C12orf42: variants seen among roughly 807,000 people sequenced by gnomAD.
C12orf42 encodes uncharacterized protein C12orf42.
Under a neutral mutation model 21.6 loss-of-function variants are expected in C12orf42, and 25 were observed. That is an observed-to-expected ratio of 1.16 (90% CI 0.84 to 1.62). The LOEUF (loss-of-function observed/expected upper bound fraction) is 1.62. Among genes scored for constraint, C12orf42 ranks in the 40% most tolerant of loss-of-function variants. C12orf42 has a pLI of 0.00. For missense variants in C12orf42, 483 were observed against 459.3 expected (o/e 1.05, Z -0.47); for synonymous variants, 174 against 175.0 (o/e 0.99, Z 0.05).
chr12:103,249,870 AAG>A (rs2136190875), intron 10 of C12orf42, among the ~76,000 whole-genome samples: 2 of 152,246 alleles, frequency 1.3e-5, no homozygotes, highest in East Asian at 3.9e-4. Context: ...CCTTCCAGGA[AAG>A]AGTTACAAAT....
At chr12:103,463,537 C>T (rs1353755164) in intron 2 of C12orf42, among the ~76,000 whole-genome samples, 3 of 152,158 alleles carry the variant, frequency 2.0e-5, no homozygotes, top group African/African-American at 7.2e-5. Flanking sequence ...TTCAAAGCCA[C>T]AGCCCTAAAA....
chr12:103,463,648 T>C (rs1033699613), intron 2 of C12orf42, among the ~76,000 whole-genome samples: 11 of 152,180 alleles, frequency 7.2e-5, no homozygotes, highest in African/African-American at 2.7e-4. Context: ...GTTTGTTACA[T>C]AGGTAAACAT....
At chr12:103,540,341 C>T in the C12orf42 span, among the ~76,000 whole-genome samples, 8 of 152,116 alleles carry the variant, frequency 5.3e-5, no homozygotes, top group Non-Finnish European at 1.2e-4. Context: ...CTTAATTCTT[C>T]CATATTATTA....
chr12:103,416,524 CTT>C (rs2049349720), intron 2 of C12orf42, among the ~76,000 whole-genome samples: 1 of 152,072 alleles, frequency 6.6e-6, no homozygotes, highest in Non-Finnish European at 1.5e-5. Context: ...AAAACATCCT[CTT>C]GAGACTGAAG....
intron 2 of C12orf42, among the ~76,000 whole-genome samples, chr12:103,419,784 A>C (rs2049704726): frequency 6.6e-6 from 1 of 152,166 alleles, no homozygotes; most frequent in South Asian, 2.1e-4. Context: ...CCTTGTGTGG[A>C]TACCTCGTCA....
intron 4 of C12orf42, among the ~76,000 whole-genome samples, chr12:103,362,956 T>G (rs1216138172): frequency 6.6e-6 from 1 of 152,090 alleles, no homozygotes; most frequent in Non-Finnish European, 1.5e-5. Flanking sequence ...TTCCCCGGCC[T>G]TGCTAGAGAC....
the C12orf42 span, among the ~76,000 whole-genome samples, chr12:103,148,531 C>T: frequency 6.6e-6 from 1 of 151,874 alleles, no homozygotes; most frequent in African/African-American, 2.4e-5. Context: ...TTTATTGTTC[C>T]CTGAGTCTCT....
chr12:103,100,951 G>T, the C12orf42 span, among the ~76,000 whole-genome samples: 2 of 152,180 alleles, frequency 1.3e-5, no homozygotes, highest in Non-Finnish European at 2.9e-5. Context: ...CATTCAAAAA[G>T]TCTTCTGGGA....
chr12:103,206,938 A>C, the C12orf42 span, among the ~76,000 whole-genome samples: 1 of 152,182 alleles, frequency 6.6e-6, no homozygotes. Flanking sequence ...ACAGATAGGG[A>C]AACTGAGTGC....
At chr12:103,131,619 A>G in the C12orf42 span, among the ~76,000 whole-genome samples, 1 of 152,126 alleles carries the variant, frequency 6.6e-6, no homozygotes, top group African/African-American at 2.4e-5. Context: ...TTTTTTTCTC[A>G]ATAGAAATCA....
the C12orf42 span, among the ~76,000 whole-genome samples, chr12:103,523,387 T>A: frequency 1.8e-4 from 27 of 151,994 alleles, 1 homozygote; most frequent in Non-Finnish European, 5.9e-5. Context: ...TTATATGTCT[T>A]CTCTATCAAT....
At chr12:103,381,458 AG>A (rs765672858) in intron 3 of C12orf42, among the ~76,000 whole-genome samples, 2 of 152,132 alleles carry the variant, frequency 1.3e-5, no homozygotes, top group African/African-American at 2.4e-5. Context: ...GGTTTATTTG[AG>A]GGAGGGAAAA....
At chr12:103,431,745 G>T (rs890910298) in intron 2 of C12orf42, among the ~76,000 whole-genome samples, 3 of 152,078 alleles carry the variant, frequency 2.0e-5, no homozygotes, top group African/African-American at 7.2e-5. Context: ...TGACTTTCTA[G>T]AAACCTCTTA....
the C12orf42 span, among the ~76,000 whole-genome samples, chr12:103,176,090 A>G: frequency 1.6e-4 from 24 of 152,072 alleles, no homozygotes; most frequent in African/African-American, 5.8e-4. Flanking sequence ...CCGCCATGCC[A>G]TATCCCACCT....
chr12:103,241,137 A>G (rs1319415537), intron 10 of C12orf42, among the ~76,000 whole-genome samples: 1 of 151,970 alleles, frequency 6.6e-6, no homozygotes, highest in Non-Finnish European at 1.5e-5. Flanking sequence ...CAAAACACAC[A>G]ATGGCATTGT....
At chr12:103,360,330 A>G (rs2043981111) in intron 4 of C12orf42, among the ~76,000 whole-genome samples, 2 of 151,710 alleles carry the variant, frequency 1.3e-5, no homozygotes, top group Admixed American at 6.6e-5. Context: ...CAGAACCACA[A>G]TGCTGCTCAT....
chr12:103,066,339 A>G, the C12orf42 span, among the ~76,000 whole-genome samples: 1 of 152,328 alleles, frequency 6.6e-6, no homozygotes, highest in African/African-American at 2.4e-5. Context: ...TGAAGGCACA[A>G]GTAAGTTACA....
At chr12:103,339,808 C>A (rs1038408250) in intron 4 of C12orf42, among the ~76,000 whole-genome samples, 1 of 152,180 alleles carries the variant, frequency 6.6e-6, no homozygotes, top group Non-Finnish European at 1.5e-5. Context: ...CTAACAAGAT[C>A]ATAGCATTTT....
downstream of C12orf42, among the ~76,000 whole-genome samples, chr12:103,266,584 A>G (rs1405088227): frequency 6.6e-6 from 1 of 152,102 alleles, no homozygotes; most frequent in African/African-American, 2.4e-5. Flanking sequence ...GCATGTGTAA[A>G]AGTGAGAGCT....
Sources: allele counts gnomAD v4.1 joint callset (sites outside exome capture counted in the v4.1 genomes callset), GRCh38; gene constraint gnomAD v4.1.1; transcripts MANE v1.5; gene names NCBI Gene and HGNC (gene_info 2026-07-23, HGNC 2026-07-21).